Variants in VAV2 observed in about 807,000 individuals in gnomAD.
VAV2 encodes guanine nucleotide exchange factor VAV2.
Under a neutral mutation model 132.5 loss-of-function variants are expected in VAV2, and 67 were observed. That is an observed-to-expected ratio of 0.51 (90% CI 0.42 to 0.62). The LOEUF (loss-of-function observed/expected upper bound fraction) is 0.62, where lower values mean the gene tolerates loss of function less well. VAV2 is among the 20% of genes least tolerant of loss of function. The pLI, the probability that VAV2 is intolerant of heterozygous loss-of-function variation, is 0.00. For synonymous variants in VAV2, 492 were observed against 443.5 expected (o/e 1.11, Z -1.37); for missense variants, 938 against 1,153.6 (o/e 0.81, Z 2.71).
At position 133,909,919 on chromosome 9, in the gene VAV2, G is replaced by C. The variant is rs1308244126; in HGVS notation, c.321+29184C>G. ...TTCGCTTGGCTGCTCACAGGGCAAG[G>C]GCAGGGCTGGGGGCCTCCCATCCTC... On this transcript the variant is annotated intron_variant, in intron 2 of 29. Transcript: ENST00000371850. 5.3e-5 allele frequency among the ~76,000 whole-genome samples: 8 copies of C among 152,168 alleles called. 1 individual carries two copies. The highest frequency in any genetic ancestry group is 5.2e-4 in the Admixed American group (8 of 15,276).
At chr9:133,977,276 A>G (rs1157310283) in intron 1 of VAV2, among the ~76,000 whole-genome samples, 1 of 152,226 alleles carries the variant, frequency 6.6e-6, no homozygotes, top group Non-Finnish European at 1.5e-5. Flanking sequence ...GGAACAGCTC[A>G]GATCTGAAGG....
chr9:133,914,674 GCAA>G, intron 2 of VAV2, among the ~76,000 whole-genome samples: 1 of 22,240 alleles, frequency 4.5e-5, no homozygotes, highest in Non-Finnish European at 9.3e-5. Context: ...AGGGGAGGAA[GCAA>G]GGGATGGGGG....
At chr9:133,825,710 C>T (rs568196498) in intron 4 of VAV2, among the ~76,000 whole-genome samples, 78 of 152,160 alleles carry the variant, frequency 5.1e-4, no homozygotes, top group African/African-American at 1.8e-3. Context: ...TAGAGGACAG[C>T]GGTTTGTTCC....
chr9:133,857,662 T>A lies in VAV2; in HGVS notation c.380+3712A>T, dbSNP rs1306518804. On this transcript the variant is annotated intron_variant, in intron 3 of 29. Coordinates refer to ENST00000371850, the MANE Select transcript of VAV2 (RefSeq NM_001134398.2). This position sits in a 1 kb window ranked among gnomAD's most constrained non-coding sequence, Gnocchi z 4.0. ...AGTGCTGGTGGCTGCCCCCAGAAGG[T>A]TCAATTCCCCATGGAAATCCCAGCC... Among the ~76,000 whole-genome samples the A allele has an allele frequency of 1.3e-5, 2 of 152,108 alleles. No homozygotes were observed. The highest frequency in any genetic ancestry group is 2.9e-5 in the Non-Finnish European group (2 of 68,016).
At chr9:133,888,492 C>A (rs1838801957) in intron 2 of VAV2, among the ~76,000 whole-genome samples, 2 of 152,188 alleles carry the variant, frequency 1.3e-5, no homozygotes, top group African/African-American at 4.8e-5. Context: ...CAGGCCCAGA[C>A]ATGTCTGTCC....
In VAV2 at chr9:133,980,922, C is replaced by G. The variant is rs547883161; in HGVS notation, c.204+11153G>C. ...GTCTCCAACCCTTAGCTACCAAAAG[C>G]CATCTACTTTTCAGGGCATCTCAAG... On this transcript the variant is annotated intron_variant, in intron 1 of 29. Transcript: ENST00000371850. 7.3e-3 allele frequency among the ~76,000 whole-genome samples: 1,108 copies of G among 152,336 alleles called. 13 individuals carry two copies. Among genetic ancestry groups the G allele is most frequent in the African/African-American group, 0.025 (1,036 of 41,574 alleles).
rs1261192758 is a variant in VAV2 at position 133,826,697 on chromosome 9, T to C, written c.449+7575A>G. On this transcript the variant is annotated intron_variant, in intron 4 of 29. Transcript: ENST00000371850. The surrounding 1 kb of genome is among the most constrained non-coding windows in gnomAD (Gnocchi z 4.2). ...TAAATAAAGCTTGGTCTCATGTCCA[T>C]GTCCTTCCTTTGGCCTCTCTTCTGC... Among the ~76,000 whole-genome samples, 19 of 152,176 alleles carry C rather than the reference T, an allele frequency of 1.2e-4. No individual in the cohort carries two copies. Among genetic ancestry groups the C allele is most frequent in the Admixed American group, 1.2e-3 (18 of 15,282 alleles).
intron 4 of VAV2, among the ~76,000 whole-genome samples, chr9:133,817,609 G>A (rs539535034): frequency 6.6e-6 from 1 of 151,950 alleles, no homozygotes; most frequent in African/African-American, 2.4e-5. Flanking sequence ...ACTCTGTCTC[G>A]AAAAAATAAA....
chr9:133,940,904 C>A (rs1368824152), intron 1 of VAV2, among the ~76,000 whole-genome samples: 3 of 149,372 alleles, frequency 2.0e-5, no homozygotes, highest in Non-Finnish European at 4.4e-5. Flanking sequence ...AAAGGACAAC[C>A]AAAATGTCCT....
Position 133,992,088 on chromosome 9 carries a change from G to A in VAV2, c.191C>T (p.Pro64Leu). The A allele has an allele frequency of 6.3e-7, 1 of 1,578,006 alleles. No individual in the cohort carries two copies. Among genetic ancestry groups the A allele is most frequent in the South Asian group, 1.1e-5 (1 of 87,706 alleles). ...SIDLKDINFRPQMSQFLCLKN... is the reference protein window; with the variant it reads ...SIDLKDINFRLQMSQFLCLKN... Reference sequence around the variant, plus strand: ...CCGGGCGCTCACCTGGGACATCTGCGGCCGGAAGTTGATGTCCTTGAGGTC... The same window carrying A: ...CCGGGCGCTCACCTGGGACATCTGCAGCCGGAAGTTGATGTCCTTGAGGTC... The change falls in exon 1 of 30, where the codon CCG becomes CTG. Residue 64 changes from proline (P) to leucine (L), a missense_variant. Coordinates refer to ENST00000371850, the MANE Select transcript of VAV2 (RefSeq NM_001134398.2). This position sits in a 1 kb window ranked among gnomAD's most constrained non-coding sequence, Gnocchi z 5.5.
chr9:133,991,957 C>G lies in VAV2; in HGVS notation c.204+118G>C. 1.2e-6 allele frequency: 1 copy of G among 869,172 alleles called. No homozygotes were observed. The highest frequency in any genetic ancestry group is 1.4e-6 in the Non-Finnish European group (1 of 690,682). The allele number at this position is 869,172 out of a possible 1,614,324, so 53.8% of individuals were successfully genotyped here. On this transcript the variant is annotated intron_variant, in intron 1 of 29. Coordinates refer to ENST00000371850, the MANE Select transcript of VAV2 (RefSeq NM_001134398.2). This position sits in a 1 kb window ranked among gnomAD's most constrained non-coding sequence, Gnocchi z 4.8. ...CCAGCCGCCCGCCCGCGTCCCGGAG[C>G]CCGGCCGCCCCAGCCAGGGCGCCTG...
chr9:133,887,849 G>A (rs1029947351), intron 2 of VAV2, among the ~76,000 whole-genome samples: 26 of 151,846 alleles, frequency 1.7e-4, no homozygotes, highest in African/African-American at 6.3e-4. Context: ...GGAAGGTAAG[G>A]CTCCTGCGTG....
chr9:133,986,665 C>T (rs921670069), intron 1 of VAV2, among the ~76,000 whole-genome samples: 1 of 152,186 alleles, frequency 6.6e-6, no homozygotes, highest in Non-Finnish European at 1.5e-5. Context: ...TTTCCAATGA[C>T]TGAGATATTT....
chr9:133,857,381 C>T lies in VAV2; in HGVS notation c.380+3993G>A, dbSNP rs2131855984. Reference sequence around the variant, plus strand: ...AGGGCGGGATTCTTAGATTAAGTCTCCAATTCATCAGCCTCTGAGAAGTAT... The same window carrying T: ...AGGGCGGGATTCTTAGATTAAGTCTTCAATTCATCAGCCTCTGAGAAGTAT... On this transcript the variant is annotated intron_variant, in intron 3 of 29. Transcript: ENST00000371850. The surrounding 1 kb of genome is among the most constrained non-coding windows in gnomAD (Gnocchi z 4.0). 6.6e-6 allele frequency among the ~76,000 whole-genome samples: 1 copy of T among 152,324 alleles called. No homozygotes were observed. The highest frequency in any genetic ancestry group is 1.9e-4 in the East Asian group (1 of 5,186).
At chr9:133,896,783 G>A (rs1006564921) in intron 2 of VAV2, among the ~76,000 whole-genome samples, 2 of 151,732 alleles carry the variant, frequency 1.3e-5, no homozygotes, top group African/African-American at 4.8e-5. Flanking sequence ...CTTGTCTTTT[G>A]CTTAAGAAAC....
chr9:133,775,636 T>C (rs1443154382), intron 24 of VAV2, among the ~76,000 whole-genome samples: 2 of 152,236 alleles, frequency 1.3e-5, no homozygotes, highest in African/African-American at 4.8e-5. Flanking sequence ...TTGGGACTTC[T>C]GTGATTTCAA....
At chr9:133,798,964 C>A (rs1834827462) in intron 9 of VAV2, among the ~76,000 whole-genome samples, 1 of 152,218 alleles carries the variant, frequency 6.6e-6, no homozygotes, top group Admixed American at 6.5e-5. Context: ...GCTCTTGGGA[C>A]CAGGTCACCA....
At chr9:133,854,139 TTGCACCTGCACAC>T (rs55889134) in intron 3 of VAV2, among the ~76,000 whole-genome samples, 16,789 of 126,080 alleles carry the variant, frequency 0.13, 1,081 homozygotes, top group South Asian at 0.18. Flanking sequence ...CACACACCCC[TTGCACCTGCACAC>T]ACACATCTGC....
rs12338485 is a variant in VAV2, at chr9:133,883,314, G to A, written c.322-21882C>T. On this transcript the variant is annotated intron_variant, in intron 2 of 29. Coordinates refer to ENST00000371850, the MANE Select transcript of VAV2 (RefSeq NM_001134398.2). The surrounding 1 kb of genome is among the most constrained non-coding windows in gnomAD (Gnocchi z 4.2). ...GGCGGACCCACAGAGGAGCGAAGGC[G>A]CAGAGACCCATCCGTTGAGACAGCC... Among the ~76,000 whole-genome samples, 3,098 of 152,294 alleles carry A rather than the reference G, an allele frequency of 0.02. 61 individuals are homozygous for A. Among genetic ancestry groups the A allele is most frequent in the African/African-American group, 0.053 (2,197 of 41,548 alleles).
Sources: gnomAD v4.1 joint callset for allele counts (sites outside exome capture counted in the v4.1 genomes callset) on GRCh38, gnomAD v4.1.1 for gene constraint, Gnocchi (gnomAD v3.1) non-coding constraint, MANE v1.5 for transcripts, NCBI Gene and HGNC (gene_info 2026-07-23, HGNC 2026-07-21) for gene names.